Variants in GBE1 observed in about 807,000 individuals in gnomAD.
GBE1 encodes the protein 1,4-alpha-glucan-branching enzyme.
In GBE1, 70 loss-of-function variants were observed where a neutral mutation model predicts 88.8. The ratio of observed to expected loss-of-function variants is 0.79; its 90% CI spans 0.65 to 0.96. The LOEUF (loss-of-function observed/expected upper bound fraction) is 0.96. Among genes scored for constraint, GBE1 ranks in the 40% least tolerant of loss-of-function variants. The pLI, the probability that GBE1 is intolerant of heterozygous loss-of-function variation, is 0.00. For synonymous variants in GBE1, 284 were observed against 300.1 expected (o/e 0.95, Z 0.56); for missense variants, 872 against 871.0 (o/e 1.00, Z -0.01).
chr3:81,568,589 A>G (rs1314457655), intron 12 of GBE1, among the ~76,000 whole-genome samples: 4 of 152,218 alleles, frequency 2.6e-5, no homozygotes, highest in Non-Finnish European at 4.4e-5. Flanking sequence ...CATTTAGTAG[A>G]GTAACTAAAA....
chr3:81,731,273 T>C (rs901048854), intron 1 of GBE1, among the ~76,000 whole-genome samples: 2 of 152,190 alleles, frequency 1.3e-5, no homozygotes, highest in African/African-American at 4.8e-5. Flanking sequence ...CTCCCTGCAA[T>C]TGAGTTGACT....
chr3:81,664,459 C>A (rs968986832), intron 3 of GBE1, among the ~76,000 whole-genome samples: 6 of 141,554 alleles, frequency 4.2e-5, no homozygotes, highest in Non-Finnish European at 6.1e-5. Context: ...AAAAAAAAAA[C>A]CTGCCAGCAC....
In GBE1 at chr3:81,567,187, TA is replaced by T. The variant is rs535730636; in HGVS notation, c.1618+10737del. On this transcript the variant is annotated intron_variant, in intron 12 of 15. Coordinates refer to ENST00000429644, the MANE Select transcript of GBE1 (RefSeq NM_000158.4). ...CTCATTTCATTCAGCTGCTTAACAT[TA>T]TTCAACATGGATGGCCATCTCCTCT... Among the ~76,000 whole-genome samples the T allele has an allele frequency of 1.5e-3, 222 of 152,290 alleles. 2 individuals carry two copies. Among genetic ancestry groups the T allele is most frequent in the African/African-American group, 5.2e-3 (216 of 41,568 alleles).
chr3:81,547,483 C>T (rs763391250), intron 12 of GBE1, among the ~76,000 whole-genome samples: 2 of 151,438 alleles, frequency 1.3e-5, no homozygotes, highest in Non-Finnish European at 3.0e-5. Context: ...CGATAATTTT[C>T]CTCTTTGTTG....
At chr3:81,722,921 C>A in intron 1 of GBE1, among the ~76,000 whole-genome samples, 1 of 131,012 alleles carries the variant, frequency 7.6e-6, no homozygotes, top group African/African-American at 3.0e-5. Context: ...TATATACACA[C>A]AAGTAAATAT....
At chr3:81,639,312 C>G (rs2107052081) in intron 7 of GBE1, among the ~76,000 whole-genome samples, 1 of 151,038 alleles carries the variant, frequency 6.6e-6, no homozygotes. Flanking sequence ...TTTCTAATTA[C>G]AATGGCATTA....
chr3:81,649,395 A>G (rs920785246), intron 4 of GBE1, among the ~76,000 whole-genome samples: 3 of 152,102 alleles, frequency 2.0e-5, no homozygotes, highest in African/African-American at 2.4e-5. Flanking sequence ...AAATTACCCT[A>G]GTTAATACAT....
chr3:81,614,247 T>C (rs1049880216), intron 7 of GBE1, among the ~76,000 whole-genome samples: 6 of 152,196 alleles, frequency 3.9e-5, no homozygotes, highest in Non-Finnish European at 7.3e-5. Flanking sequence ...AATATCTTTC[T>C]CTATAAATTT....
intron 12 of GBE1, among the ~76,000 whole-genome samples, chr3:81,576,751 G>C (rs2106931797): frequency 6.8e-6 from 1 of 146,736 alleles, no homozygotes; most frequent in South Asian, 2.1e-4. Context: ...TGGAAGGCTA[G>C]GGATGTCAAC....
intron 10 of GBE1, 103 bp downstream of exon 10, chr3:81,585,989 A>G (rs1466010555): frequency 3.1e-6 from 2 of 651,950 alleles, no homozygotes; most frequent in Admixed American, 3.2e-5. Context: ...TAATACTTCA[A>G]TTATAATATC....
At chr3:81,726,183 C>T (rs1706109606) in intron 1 of GBE1, among the ~76,000 whole-genome samples, 1 of 151,936 alleles carries the variant, frequency 6.6e-6, no homozygotes, top group Non-Finnish European at 1.5e-5. Context: ...GGATTAGAAT[C>T]TCTAACAATA....
intron 2 of GBE1, among the ~76,000 whole-genome samples, chr3:81,704,730 A>G (rs568663068): frequency 6.6e-6 from 1 of 152,154 alleles, no homozygotes; most frequent in East Asian, 1.9e-4. Flanking sequence ...CACTTTCAAA[A>G]CTGAACTTTC....
At chr3:81,673,702 G>A (rs899865472) in intron 2 of GBE1, among the ~76,000 whole-genome samples, 24 of 151,710 alleles carry the variant, frequency 1.6e-4, no homozygotes, top group African/African-American at 4.8e-4. Context: ...TAACTATGTC[G>A]CATTTTTCTT....
chr3:81,630,572 T>C (rs1704493451), intron 7 of GBE1, among the ~76,000 whole-genome samples: 1 of 152,168 alleles, frequency 6.6e-6, no homozygotes, highest in Non-Finnish European at 1.5e-5. Context: ...TTAAGTATGT[T>C]TGAAACAACT....
chr3:81,607,054 A>G (rs1420843829), intron 7 of GBE1, among the ~76,000 whole-genome samples: 1 of 152,172 alleles, frequency 6.6e-6, no homozygotes, highest in East Asian at 1.9e-4. Context: ...GCTACACCAT[A>G]TTGCCATTTA....
At chr3:81,649,741 T>A in intron 4 of GBE1, 55 bp downstream of exon 4, 2 of 1,474,224 alleles carry the variant, frequency 1.4e-6, no homozygotes, top group Non-Finnish European at 1.8e-6. Flanking sequence ...AAGTAAAAAT[T>A]AACTTTCCTA....
chr3:81,545,193 C>T (rs1439104207), intron 12 of GBE1, among the ~76,000 whole-genome samples: 1 of 151,682 alleles, frequency 6.6e-6, no homozygotes, highest in Admixed American at 6.6e-5. Flanking sequence ...CAGCACAAAG[C>T]AATTTTTTAA....
intron 2 of GBE1, among the ~76,000 whole-genome samples, chr3:81,677,123 C>T (rs1489662921): frequency 1.3e-5 from 2 of 152,100 alleles, no homozygotes; most frequent in African/African-American, 4.8e-5. Context: ...ATTTCTGCAG[C>T]GTTTTTGAGT....
At chr3:81,495,379 A>G (rs1033697515) in intron 15 of GBE1, among the ~76,000 whole-genome samples, 1 of 152,116 alleles carries the variant, frequency 6.6e-6, no homozygotes, top group Admixed American at 6.5e-5. Context: ...ACAGAGTGAG[A>G]CTCCGTCTCA....
Sources: allele counts gnomAD v4.1 joint callset (sites outside exome capture counted in the v4.1 genomes callset), GRCh38; gene constraint gnomAD v4.1.1; transcripts MANE v1.5; gene names NCBI Gene and HGNC (gene_info 2026-07-23, HGNC 2026-07-21).